PTPRM: variants seen among roughly 807,000 people sequenced by gnomAD.
PTPRM encodes the protein receptor-type tyrosine-protein phosphatase mu.
In PTPRM, 47 loss-of-function variants were observed where a neutral mutation model predicts 186.7. That is an observed-to-expected ratio of 0.25 (90% CI 0.20 to 0.32). The LOEUF (loss-of-function observed/expected upper bound fraction) is 0.32. Among genes scored for constraint, PTPRM ranks in the 10% least tolerant of loss-of-function variants. PTPRM has a pLI of 1.00. For synonymous variants in PTPRM, 668 were observed against 674.9 expected, an observed-to-expected ratio of 0.99 and a Z score of 0.16; for missense variants, 1,494 against 1,865.0, an observed-to-expected ratio of 0.80 and a Z score of 3.66.
At chr18:7,991,745 T>G (rs962304298) in intron 7 of PTPRM, among the ~76,000 whole-genome samples, 5 of 152,070 alleles carry the variant, frequency 3.3e-5, no homozygotes, top group Non-Finnish European at 7.4e-5. Flanking sequence ...ACAAAGGATT[T>G]TGTTGATTGT....
intron 5 of PTPRM, among the ~76,000 whole-genome samples, chr18:7,939,964 T>C (rs1433825679): frequency 6.6e-6 from 1 of 152,164 alleles, no homozygotes; most frequent in Non-Finnish European, 1.5e-5. Context: ...TGCTGTGGGT[T>C]TCTAGATGCT....
At chr18:8,088,665 T>A in intron 10 of PTPRM, 84 bp from the exon 11 acceptor site, 1 of 1,128,376 alleles carries the variant, frequency 8.9e-7, no homozygotes, top group East Asian at 2.4e-5. Flanking sequence ...GTGTTCTTAA[T>A]GCTCTTTGTA....
intron 7 of PTPRM, among the ~76,000 whole-genome samples, chr18:7,988,002 C>A (rs1418880941): frequency 7.7e-6 from 1 of 129,762 alleles, no homozygotes; most frequent in African/African-American, 3.0e-5. Flanking sequence ...CATAGTGAGA[C>A]CCTGTGTCTA....
chr18:7,722,600 TAAAAG>T (rs958942933), intron 1 of PTPRM, among the ~76,000 whole-genome samples: 10 of 151,826 alleles, frequency 6.6e-5, no homozygotes, highest in African/African-American at 1.2e-4. Context: ...CAAGATGAAA[TAAAAG>T]AAAAGATTGA....
Position 7,705,951 on chromosome 18 carries a change from A to T in PTPRM, c.74-68198A>T, listed in dbSNP as rs181659963. ...TGATACAAGAGCACTATAGTGATTT[A>T]TATATATATATATAAAAGGTAACAT... On this transcript the variant is annotated intron_variant, in intron 1 of 32. Transcript: ENST00000580170. Among the ~76,000 whole-genome samples the T allele has an allele frequency of 3.1e-3, 461 of 146,864 alleles. 1 individual carries two copies. Among genetic ancestry groups the T allele is most frequent in the Middle Eastern group, 0.018 (5 of 282 alleles).
rs142247547 is a variant in PTPRM at position 8,358,131 on chromosome 18, T to TC, written c.3055-12750dup. Among the ~76,000 whole-genome samples the TC allele has an allele frequency of 4.7e-3, 690 of 147,578 alleles. 5 individuals are homozygous for TC. Among genetic ancestry groups the TC allele is most frequent in the African/African-American group, 7.1e-3 (276 of 38,800 alleles). On this transcript the variant is annotated intron_variant, in intron 23 of 32. Coordinates refer to ENST00000580170, the MANE Select transcript of PTPRM (RefSeq NM_001105244.2). ...CACATTTTTGTTTAAGGCTAGCTAT[T>TC]CCCCCCCCCACACACACACACATTT...
At chr18:8,327,801 C>T (rs1269421715) in intron 22 of PTPRM, among the ~76,000 whole-genome samples, 27 of 152,224 alleles carry the variant, frequency 1.8e-4, no homozygotes, top group Admixed American at 1.8e-3. Context: ...GACAGTCCAT[C>T]TTGTTAAACT....
At chr18:7,581,755 A>C (rs920362418) in intron 1 of PTPRM, among the ~76,000 whole-genome samples, 3 of 151,300 alleles carry the variant, frequency 2.0e-5, no homozygotes, top group Non-Finnish European at 4.4e-5. Flanking sequence ...TCTCAGGCTC[A>C]AGTGATCCAC....
intron 23 of PTPRM, among the ~76,000 whole-genome samples, chr18:8,351,206 T>C (rs2095532343): frequency 6.6e-6 from 1 of 152,184 alleles, no homozygotes; most frequent in Non-Finnish European, 1.5e-5. Context: ...GGCTATTTTA[T>C]CTCCCTCATC....
In PTPRM at chr18:8,258,693, A is replaced by G. The variant is rs138757137; in HGVS notation, c.2754+5279A>G. Among the ~76,000 whole-genome samples the G allele has an allele frequency of 5.3e-5, 8 of 152,274 alleles. No homozygotes were observed. In the South Asian group the frequency reaches 1.5e-3, roughly 28 times the overall value. On this transcript the variant is annotated intron_variant, in intron 19 of 32. Transcript: ENST00000580170. ...TATGTTTTGCTATAACTGTAAAATT[A>G]AGATAAAGAAAGGATGTCAGTTGAA...
At chr18:7,799,345 T>C (rs1568147005) in intron 2 of PTPRM, among the ~76,000 whole-genome samples, 1 of 152,216 alleles carries the variant, frequency 6.6e-6, no homozygotes, top group Non-Finnish European at 1.5e-5. Flanking sequence ...CCCTTCTTCA[T>C]ACTATCAACT....
chr18:8,149,730 T>C (rs2092962184), intron 14 of PTPRM, among the ~76,000 whole-genome samples: 1 of 152,236 alleles, frequency 6.6e-6, no homozygotes, highest in African/African-American at 2.4e-5. Context: ...TTCATATAAT[T>C]TCTTCATAGT....
At chr18:7,984,678 A>G (rs1231869105) in intron 7 of PTPRM, among the ~76,000 whole-genome samples, 1 of 115,904 alleles carries the variant, frequency 8.6e-6, no homozygotes, top group African/African-American at 2.8e-5. Context: ...ACACACATAT[A>G]TAATTATATA....
chr18:7,965,270 T>G (rs9807495), intron 7 of PTPRM, among the ~76,000 whole-genome samples: 26,038 of 152,026 alleles, frequency 0.17, 2,395 homozygotes, highest in African/African-American at 0.2. Context: ...GGTAGTGAAC[T>G]CCTGACCTCA....
rs2143996445 is a variant in PTPRM, at chr18:7,623,411, A to C, written c.73+55520A>C. ...GTTGTATTTTTGCAGATTTCCATGCACGTATATATGTATTATACATGTGTA... is the reference window on the plus strand; with the variant it reads ...GTTGTATTTTTGCAGATTTCCATGCCCGTATATATGTATTATACATGTGTA... On this transcript the variant is annotated intron_variant, in intron 1 of 32. Transcript: ENST00000580170. Among the ~76,000 whole-genome samples the C allele has an allele frequency of 1.3e-5, 2 of 152,284 alleles. 1 individual carries two copies. Among genetic ancestry groups the C allele is most frequent in the South Asian group, 4.2e-4 (2 of 4,810 alleles).
intron 27 of PTPRM, among the ~76,000 whole-genome samples, chr18:8,378,842 G>C (rs527868189): frequency 6.6e-6 from 1 of 152,062 alleles, no homozygotes; most frequent in African/African-American, 2.4e-5. Context: ...AGATGTACCC[G>C]AGTCAAGGCC....
Position 8,268,893 on chromosome 18 carries a change from CT to C in PTPRM, c.2754+15480del, listed in dbSNP as rs376113077. On this transcript the variant is annotated intron_variant, in intron 19 of 32. Coordinates refer to ENST00000580170, the MANE Select transcript of PTPRM (RefSeq NM_001105244.2). ...TCAAAGTCCTTTCATGATAAAAACTCTCAACAAATTGTGTATAGAAGGAATA... is the reference window on the plus strand; with the variant it reads ...TCAAAGTCCTTTCATGATAAAAACTCCAACAAATTGTGTATAGAAGGAATA... Among the ~76,000 whole-genome samples the C allele has an allele frequency of 6.9e-4, 105 of 152,112 alleles. 1 individual carries two copies. Among genetic ancestry groups the C allele is most frequent in the African/African-American group, 2.5e-3 (103 of 41,536 alleles).
chr18:8,146,238 G>A (rs2092882491), intron 14 of PTPRM, among the ~76,000 whole-genome samples: 1 of 151,908 alleles, frequency 6.6e-6, no homozygotes, highest in Non-Finnish European at 1.5e-5. Flanking sequence ...TGGTCAAGCT[G>A]GTCTCAAACT....
At chr18:7,984,600 T>TAC (rs1364395082) in intron 7 of PTPRM, among the ~76,000 whole-genome samples, 1,449 of 110,832 alleles carry the variant, frequency 0.013, 8 homozygotes, top group Admixed American at 0.02. Flanking sequence ...TATATATATA[T>TAC]ATACACACAC....
Sources: gnomAD v4.1 joint callset for allele counts (sites outside exome capture counted in the v4.1 genomes callset) on GRCh38, gnomAD v4.1.1 for gene constraint, MANE v1.5 for transcripts, NCBI Gene and HGNC (gene_info 2026-07-23, HGNC 2026-07-21) for gene names.